The following MGAT5 variants were observed in gnomAD, a reference collection of about 807,000 sequenced individuals.
MGAT5 encodes alpha-1,6-mannosylglycoprotein 6-beta-N-acetylglucosaminyltransferase A.
A neutral mutation model predicts 94.3 loss-of-function variants in MGAT5; 30 were observed. That is an observed-to-expected ratio of 0.32 (90% confidence interval 0.24 to 0.43). The LOEUF (loss-of-function observed/expected upper bound fraction) is 0.43. MGAT5 is among the 20% of genes least tolerant of loss of function. MGAT5 has a pLI of 1.00. For missense variants in MGAT5, 691 were observed against 905.5 expected (o/e 0.76, Z 3.04); for synonymous variants, 310 against 322.9 (o/e 0.96, Z 0.43).
chr2:134,345,496 G>A (rs958478861), intron 8 of MGAT5, among the ~76,000 whole-genome samples: 4 of 152,012 alleles, frequency 2.6e-5, no homozygotes, highest in African/African-American at 9.7e-5. Flanking sequence ...CTGAATGCTG[G>A]GGTCTTGCAC....
chr2:134,429,827 G>A (rs1351886570), intron 14 of MGAT5, among the ~76,000 whole-genome samples: 1 of 152,178 alleles, frequency 6.6e-6, no homozygotes, highest in Non-Finnish European at 1.5e-5. Flanking sequence ...GTGCCAGCAT[G>A]TGCCAGACAC....
At chr2:134,347,157 A>T (rs2106031948) in intron 8 of MGAT5, among the ~76,000 whole-genome samples, 1 of 152,310 alleles carries the variant, frequency 6.6e-6, no homozygotes, top group South Asian at 2.1e-4. Context: ...CAGATGCAGG[A>T]TGTGATTGAA....
intron 11 of MGAT5, among the ~76,000 whole-genome samples, chr2:134,409,561 C>T (rs572585344): frequency 2.0e-5 from 3 of 152,122 alleles, no homozygotes; most frequent in African/African-American, 7.2e-5. Flanking sequence ...ATTCATTGCT[C>T]AGTTTCCCTC....
rs1680992486 is a variant in MGAT5, at chr2:134,225,101, A to AT, written c.-142-29161_-142-29160insT. Among the ~76,000 whole-genome samples the AT allele has an allele frequency of 3.4e-5, 5 of 148,960 alleles. No individual in the cohort carries two copies. In the South Asian group the frequency reaches 1.1e-3, roughly 32 times the overall value. On this transcript the variant is annotated intron_variant, in intron 1 of 16. Coordinates refer to the MGAT5 transcript ENST00000409645. The stretch of plus-strand genomic sequence containing the variant: ...ACAAAAAAAAAAAAAAAAAAAAAAA[A>AT]ATGCGGTGGAAATCGGGGGGGAATT...
At chr2:134,150,068 G>A (rs1363665667) in intron 1 of MGAT5, among the ~76,000 whole-genome samples, 1 of 152,186 alleles carries the variant, frequency 6.6e-6, no homozygotes, top group Non-Finnish European at 1.5e-5. Context: ...ACAGGGGTCA[G>A]CTGGTTGGAG....
chr2:134,272,298 C>T (rs540072837), intron 2 of MGAT5, among the ~76,000 whole-genome samples: 28 of 152,052 alleles, frequency 1.8e-4, no homozygotes, highest in African/African-American at 5.3e-4. Context: ...TGGCTCTGAG[C>T]GGGACTCCTT....
chr2:134,416,433 G>A (rs1263371273), intron 12 of MGAT5, among the ~76,000 whole-genome samples: 1 of 150,788 alleles, frequency 6.6e-6, no homozygotes. Context: ...TGTTTTCAAG[G>A]TTTGTTCATG....
At chr2:134,149,579 A>G (rs961482970) in intron 1 of MGAT5, among the ~76,000 whole-genome samples, 1 of 152,344 alleles carries the variant, frequency 6.6e-6, no homozygotes, top group East Asian at 1.9e-4. Flanking sequence ...TTAACCTAGT[A>G]CTTATACCAG....
chr2:134,133,957 G>T (rs1022106688), intron 1 of MGAT5, among the ~76,000 whole-genome samples: 3 of 152,122 alleles, frequency 2.0e-5, no homozygotes, highest in African/African-American at 7.2e-5. Context: ...TACTGTCAGA[G>T]ATCCTGTCTA....
rs1205462031 is a variant in MGAT5 at position 134,300,820 on chromosome 2, A to T, written c.407-16709A>T. 2.0e-5 allele frequency among the ~76,000 whole-genome samples: 3 copies of T among 152,240 alleles called. No homozygotes were observed. The East Asian group carries it at 5.8e-4, about 29-fold the overall frequency. Reference sequence around the variant, plus strand: ...TAGTTGTTAAAGATTAGCAAAGGAAAATTGTCCTTCATCTGTGTGCTTAAG... The same window carrying T: ...TAGTTGTTAAAGATTAGCAAAGGAATATTGTCCTTCATCTGTGTGCTTAAG... On this transcript the variant is annotated intron_variant, in intron 2 of 15. Coordinates refer to ENST00000281923, the MANE Select transcript of MGAT5 (RefSeq NM_002410.5).
chr2:134,414,155 G>A (rs934463624), intron 12 of MGAT5, among the ~76,000 whole-genome samples: 2 of 137,650 alleles, frequency 1.5e-5, no homozygotes, highest in African/African-American at 2.9e-5. Context: ...GTGTGTGTGT[G>A]TGTGGTTTTT....
At chr2:134,127,362 T>C (rs1446270094) in intron 1 of MGAT5, among the ~76,000 whole-genome samples, 1 of 152,116 alleles carries the variant, frequency 6.6e-6, no homozygotes, top group Non-Finnish European at 1.5e-5. Context: ...AAAGATGACA[T>C]TGTTATTGGG....
intron 2 of MGAT5, among the ~76,000 whole-genome samples, chr2:134,272,477 C>G (rs1260381967): frequency 6.6e-6 from 1 of 151,842 alleles, no homozygotes; most frequent in Non-Finnish European, 1.5e-5. Context: ...GGACACAGTC[C>G]ATACCATCAT....
At chr2:134,220,583 C>T (rs1056483087) in intron 1 of MGAT5, among the ~76,000 whole-genome samples, 1 of 152,172 alleles carries the variant, frequency 6.6e-6, no homozygotes, top group African/African-American at 2.4e-5. Flanking sequence ...ATTTGGTCTC[C>T]TCTCTGTTTT....
At chr2:134,350,023 A>T (rs746532887) in intron 9 of MGAT5, 85 bp downstream of exon 9, 1 of 1,486,566 alleles carries the variant, frequency 6.7e-7, no homozygotes. Context: ...TTGGGTTATG[A>T]TTCTCAGGAC....
At chr2:134,271,658 C>T (rs1425216333) in intron 2 of MGAT5, among the ~76,000 whole-genome samples, 1 of 152,046 alleles carries the variant, frequency 6.6e-6, no homozygotes, top group African/African-American at 2.4e-5. Context: ...TGTTCTTTGC[C>T]CTTTAGCAAA....
At chr2:134,386,984 G>T (rs575895090) in intron 10 of MGAT5, among the ~76,000 whole-genome samples, 1 of 151,974 alleles carries the variant, frequency 6.6e-6, no homozygotes, top group South Asian at 2.1e-4. Flanking sequence ...TGTATGAGCC[G>T]GGTGCGGTGG....
At chr2:134,146,602 A>G (rs1686931214) in intron 1 of MGAT5, among the ~76,000 whole-genome samples, 1 of 152,100 alleles carries the variant, frequency 6.6e-6, no homozygotes, top group Non-Finnish European at 1.5e-5. Context: ...GCTCTCTGGT[A>G]GTTATGGAAT....
chr2:134,394,966 C>T (rs1188813678), intron 10 of MGAT5, among the ~76,000 whole-genome samples: 1 of 152,240 alleles, frequency 6.6e-6, no homozygotes. Context: ...TGACAGCCCT[C>T]TTTGTCACTA....
Sources: gnomAD v4.1 joint callset for allele counts (sites outside exome capture counted in the v4.1 genomes callset) on GRCh38, gnomAD v4.1.1 for gene constraint, MANE v1.5 for transcripts, NCBI Gene and HGNC (gene_info 2026-07-23, HGNC 2026-07-21) for gene names.